GSG1L: variants seen among roughly 807,000 people sequenced by gnomAD.
GSG1L encodes the protein germ cell-specific gene 1-like protein.
In GSG1L, 24 loss-of-function variants were observed where a neutral mutation model predicts 42.1. The observed-to-expected ratio is 0.57, with a 90% CI of 0.41 to 0.80. The LOEUF is 0.80. GSG1L is among the 30% of genes least tolerant of loss of function. The pLI is 0.00. For missense variants in GSG1L, 445 were observed against 472.2 expected (o/e 0.94, Z 0.53); for synonymous variants, 215 against 203.5 (o/e 1.06, Z -0.48).
intron 1 of GSG1L, among the ~76,000 whole-genome samples, chr16:28,007,508 T>G (rs1238234442): frequency 1.9e-5 from 2 of 105,360 alleles, no homozygotes; most frequent in Non-Finnish European, 3.7e-5. Flanking sequence ...GGTTGGTTGG[T>G]TGGTTGGTGG....
chr16:27,898,614 A>C (rs893042959), intron 2 of GSG1L, among the ~76,000 whole-genome samples: 1 of 151,504 alleles, frequency 6.6e-6, no homozygotes, highest in Non-Finnish European at 1.5e-5. Context: ...CTTAGCCAAA[A>C]GGCCAAGAAG....
At chr16:27,989,389 CA>C (rs2085428277) in intron 1 of GSG1L, among the ~76,000 whole-genome samples, 1 of 152,150 alleles carries the variant, frequency 6.6e-6, no homozygotes, top group South Asian at 2.1e-4. Flanking sequence ...CTAACTTAGA[CA>C]TAACAAATAG....
chr16:28,001,278 G>GGTACA (rs374777036), intron 1 of GSG1L, among the ~76,000 whole-genome samples: 283 of 152,298 alleles, frequency 1.9e-3, no homozygotes, highest in African/African-American at 6.5e-3. Flanking sequence ...AGGGAGGAGA[G>GGTACA]GTACAGCCAA....
chr16:27,931,992 C>T (rs2084661727), intron 2 of GSG1L, among the ~76,000 whole-genome samples: 1 of 152,230 alleles, frequency 6.6e-6, no homozygotes, highest in Non-Finnish European at 1.5e-5. Context: ...AGCCGTCCTT[C>T]TTGGGGAACA....
At chr16:27,798,567 G>A (rs72780146) in intron 6 of GSG1L, among the ~76,000 whole-genome samples, 25,769 of 152,068 alleles carry the variant, frequency 0.17, 2,220 homozygotes, top group African/African-American at 0.21. Context: ...GAAGGGGTAA[G>A]GCATGGAGCA....
intron 1 of GSG1L, among the ~76,000 whole-genome samples, chr16:28,031,372 A>AGATGGGATGG (rs972786367): frequency 1.0e-5 from 1 of 100,204 alleles, no homozygotes; most frequent in East Asian, 3.4e-4. Flanking sequence ...GGGTGGGATG[A>AGATGGGATGG]GATGGGATGG....
At chr16:27,910,169 G>A (rs1251065563) in intron 2 of GSG1L, among the ~76,000 whole-genome samples, 14 of 148,708 alleles carry the variant, frequency 9.4e-5, no homozygotes, top group African/African-American at 3.2e-4. Context: ...CACCATGTTG[G>A]CCAGGCTGTG....
At chr16:27,995,802 G>A (rs575504518) in intron 1 of GSG1L, among the ~76,000 whole-genome samples, 15 of 151,546 alleles carry the variant, frequency 9.9e-5, no homozygotes, top group African/African-American at 3.4e-4. Context: ...GTGTACCACC[G>A]CACCTGGCTC....
At chr16:27,896,533 A>G (rs1037493735) in intron 2 of GSG1L, among the ~76,000 whole-genome samples, 5 of 152,234 alleles carry the variant, frequency 3.3e-5, no homozygotes, top group African/African-American at 9.6e-5. Flanking sequence ...ACAAACCTGC[A>G]CATCCTGCAC....
chr16:27,884,604 C>T lies in GSG1L; in HGVS notation c.432G>A (p.Leu144=), dbSNP rs777517874. ...AGCCAACCACCAGCAGCAGAATGTA[C>T]AGCACCTCGGAGACCACAGACAGCC... The part of the protein sequence containing the change: ...VLWLSVVSEV[L]YILLLVVGFS... Residue 144 remains leucine, a synonymous_variant, in exon 3 of 7, where the codon CTG becomes CTA. Transcript: ENST00000447459. This position sits in a 1 kb window ranked among gnomAD's most constrained non-coding sequence, Gnocchi z 4.4. The T allele has an allele frequency of 1.2e-6, 2 of 1,605,998 alleles. No individual in the cohort carries two copies. Among genetic ancestry groups the T allele is most frequent in the South Asian group, 2.2e-5 (2 of 89,496 alleles).
chr16:28,014,543 A>G (rs1360384503), intron 1 of GSG1L, among the ~76,000 whole-genome samples: 1 of 151,926 alleles, frequency 6.6e-6, no homozygotes, highest in Non-Finnish European at 1.5e-5. Context: ...TCGCTCTGTC[A>G]CCCACGCTGG....
At chr16:27,948,378 A>G (rs1728024916) in intron 2 of GSG1L, among the ~76,000 whole-genome samples, 1 of 151,868 alleles carries the variant, frequency 6.6e-6, no homozygotes, top group East Asian at 1.9e-4. Context: ...TCTTATTCTT[A>G]TTCTTATTAC....
At position 27,837,853 on chromosome 16, in the gene GSG1L, CTTT is replaced by C. The variant is rs199778968; in HGVS notation, c.662+7094_662+7096del. 3.8e-3 allele frequency among the ~76,000 whole-genome samples: 533 copies of C among 141,124 alleles called. 6 individuals carry two copies. Among genetic ancestry groups the C allele is most frequent in the African/African-American group, 0.013 (491 of 38,490 alleles). 92.6% of individuals were successfully genotyped at this position (141,124 alleles called of 152,430 possible). A position where few individuals can be genotyped will look rare whatever the true frequency, so the allele number is the denominator to read the frequency against. On this transcript the variant is annotated intron_variant, in intron 4 of 6. Transcript: ENST00000447459. ...TAGAGAAAGCGGACTTTAGTTGGGC[CTTT>C]TTTTTTTTTTCTGTCCTTTAGGCAT...
intron 1 of GSG1L, among the ~76,000 whole-genome samples, chr16:28,060,664 C>T (rs1326478850): frequency 1.3e-5 from 2 of 152,052 alleles, no homozygotes; most frequent in East Asian, 1.9e-4. Context: ...TTTCTGTTCC[C>T]GAGAAGGTAA....
At chr16:28,042,376 C>G (rs1490159410) in intron 1 of GSG1L, among the ~76,000 whole-genome samples, 1 of 149,442 alleles carries the variant, frequency 6.7e-6, no homozygotes, top group Non-Finnish European at 1.5e-5. Context: ...GCGGAGGTTG[C>G]AGTGAACTGA....
chr16:27,977,793 AC>A (rs537052058), intron 1 of GSG1L, among the ~76,000 whole-genome samples: 74 of 152,128 alleles, frequency 4.9e-4, no homozygotes, highest in Non-Finnish European at 5.4e-4. Flanking sequence ...TGTCCCCACC[AC>A]CATGAGATTA....
At chr16:28,056,439 G>A (rs2086279939) in intron 1 of GSG1L, among the ~76,000 whole-genome samples, 1 of 134,866 alleles carries the variant, frequency 7.4e-6, no homozygotes, top group South Asian at 2.6e-4. Context: ...CATGGACACA[G>A]GAAGGGGAAC....
At chr16:27,996,397 G>C (rs1388750209) in intron 1 of GSG1L, among the ~76,000 whole-genome samples, 1 of 151,364 alleles carries the variant, frequency 6.6e-6, no homozygotes, top group African/African-American at 2.4e-5. Flanking sequence ...ATCATTCATT[G>C]CAACCTTATT....
chr16:27,999,056 G>A (rs547821420), intron 1 of GSG1L, among the ~76,000 whole-genome samples: 1 of 152,322 alleles, frequency 6.6e-6, no homozygotes, highest in South Asian at 2.1e-4. Context: ...TCAGTAGCCT[G>A]CAAGCAATTT....
Sources: allele counts gnomAD v4.1 joint callset (sites outside exome capture counted in the v4.1 genomes callset), GRCh38; gene constraint gnomAD v4.1.1; non-coding constraint Gnocchi (gnomAD v3.1); transcripts MANE v1.5; gene names NCBI Gene and HGNC (gene_info 2026-07-23, HGNC 2026-07-21).